The following RALYL variants were observed in gnomAD, a reference collection of about 807,000 sequenced individuals.
RALYL encodes RALY RNA binding protein like, also known as RNA-binding Raly-like protein.
In RALYL, 29 loss-of-function variants were observed where a neutral mutation model predicts 35.1. The ratio of observed to expected loss-of-function variants is 0.83; its 90% CI spans 0.61 to 1.13. The LOEUF is 1.13. RALYL is among the 50% of genes most tolerant of loss of function. The probability of loss-of-function intolerance (pLI) is 0.00; values close to 1 mark genes in which losing one functional copy is unlikely to be tolerated. For missense variants in RALYL, 359 were observed against 360.4 expected (o/e 1.00, Z 0.03); for synonymous variants, 120 against 127.6 (o/e 0.94, Z 0.40).
chr8:84,236,867 G>A (rs1013110949), intron 1 of RALYL, among the ~76,000 whole-genome samples: 5 of 152,318 alleles, frequency 3.3e-5, no homozygotes, highest in Non-Finnish European at 1.5e-5. Flanking sequence ...GGGAGATGAT[G>A]TGTACTTCAA....
At chr8:84,795,215 C>T (rs934015285) in intron 3 of RALYL, among the ~76,000 whole-genome samples, 1 of 152,192 alleles carries the variant, frequency 6.6e-6, no homozygotes, top group Non-Finnish European at 1.5e-5. Context: ...TCTCCTCAAC[C>T]TTGTAGGTAA....
At chr8:84,371,282 T>A (rs748135927) in intron 1 of RALYL, among the ~76,000 whole-genome samples, 12 of 152,040 alleles carry the variant, frequency 7.9e-5, no homozygotes, top group Non-Finnish European at 1.6e-4. Flanking sequence ...ATGAAACAGA[T>A]ATACAGCAAT....
At position 84,862,389 on chromosome 8, in the gene RALYL, G is replaced by A. The variant is rs768117786; in HGVS notation, c.507G>A (p.Gly169=). The change falls in exon 6 of 9, where the codon GGG becomes GGA. Residue 169 remains glycine, a synonymous_variant. Coordinates refer to ENST00000521268, the MANE Select transcript of RALYL (RefSeq NM_173848.7). Reference sequence around the variant, plus strand: ...TGGCAGTCACAACGACTCGCAGGGGGAAAGGAGTCTTTTCCATGAAAGGTG... The same window carrying A: ...TGGCAGTCACAACGACTCGCAGGGGAAAAGGAGTCTTTTCCATGAAAGGTG... ...PRVAVTTTRR[G]KGVFSMKGGS... The A allele has an allele frequency of 6.2e-7, 1 of 1,607,584 alleles. No homozygotes were observed. Among genetic ancestry groups the A allele is most frequent in the African/African-American group, 1.3e-5 (1 of 74,600 alleles).
At chr8:84,360,267 A>G (rs1217142112) in intron 1 of RALYL, among the ~76,000 whole-genome samples, 1 of 152,210 alleles carries the variant, frequency 6.6e-6, no homozygotes, top group Admixed American at 6.5e-5. Flanking sequence ...TAGAATTTTG[A>G]AACCCCAGAC....
chr8:84,680,983 G>T (rs1250744356), intron 2 of RALYL, among the ~76,000 whole-genome samples: 1 of 151,852 alleles, frequency 6.6e-6, no homozygotes, highest in Non-Finnish European at 1.5e-5. Flanking sequence ...TATGGTTTTA[G>T]GTCTAACATT....
chr8:84,251,133 C>T (rs1830118617), intron 1 of RALYL, among the ~76,000 whole-genome samples: 1 of 152,062 alleles, frequency 6.6e-6, no homozygotes, highest in African/African-American at 2.4e-5. Flanking sequence ...ACTTCCTACA[C>T]TCTTGTATAA....
chr8:84,636,796 C>G (rs752195556), intron 2 of RALYL, among the ~76,000 whole-genome samples: 16 of 151,776 alleles, frequency 1.1e-4, no homozygotes, highest in Non-Finnish European at 2.2e-4. Flanking sequence ...ACATATTTTT[C>G]AAATGTGAGG....
In RALYL at chr8:84,822,094, G is replaced by A. The variant is rs79599607; in HGVS notation, c.365+17292G>A. Among the ~76,000 whole-genome samples the A allele has an allele frequency of 7.5e-3, 1,145 of 152,232 alleles. 14 individuals are homozygous for A. Among genetic ancestry groups the A allele is most frequent in the African/African-American group, 0.026 (1,093 of 41,558 alleles). On this transcript the variant is annotated intron_variant, in intron 4 of 8. Coordinates refer to ENST00000521268, the MANE Select transcript of RALYL (RefSeq NM_173848.7). The stretch of plus-strand genomic sequence containing the variant: ...AAAGCATATAAAAGATGAAACACTT[G>A]TTGAGACATTTCTTCCAGATACTGG...
Position 84,891,309 on chromosome 8 carries a change from A to C in RALYL, c.858+3533A>C, listed in dbSNP as rs143921329. Among the ~76,000 whole-genome samples, 286 of 152,342 alleles carry C rather than the reference A, an allele frequency of 1.9e-3. 3 individuals are homozygous for C. Among genetic ancestry groups the C allele is most frequent in the African/African-American group, 6.7e-3 (280 of 41,596 alleles). On this transcript the variant is annotated intron_variant, in intron 8 of 8. Coordinates refer to ENST00000521268, the MANE Select transcript of RALYL (RefSeq NM_173848.7). ...TCCCAGATCTGTCATTATCAGTCCAATTGAACTACCTAACCAAATAACTTC... is the reference window on the plus strand; with the variant it reads ...TCCCAGATCTGTCATTATCAGTCCACTTGAACTACCTAACCAAATAACTTC...
chr8:84,793,727 G>A (rs1230351528), intron 3 of RALYL, among the ~76,000 whole-genome samples: 1 of 152,100 alleles, frequency 6.6e-6, no homozygotes, highest in African/African-American at 2.4e-5. Context: ...TTGTCAACCT[G>A]TGGCAGTTTA....
intron 1 of RALYL, among the ~76,000 whole-genome samples, chr8:84,284,361 G>A (rs949510899): frequency 1.3e-5 from 2 of 152,034 alleles, no homozygotes; most frequent in Non-Finnish European, 2.9e-5. Flanking sequence ...AGCTTCAAAA[G>A]TCATCTGTAG....
At chr8:84,670,611 C>G (rs116811285) in intron 2 of RALYL, among the ~76,000 whole-genome samples, 2,175 of 152,258 alleles carry the variant, frequency 0.014, 62 homozygotes, top group African/African-American at 0.049. Context: ...AGGAGCAAAG[C>G]TATGTTTTAC....
intron 1 of RALYL, among the ~76,000 whole-genome samples, chr8:84,487,329 G>T (rs992254371): frequency 2.0e-4 from 30 of 151,898 alleles, no homozygotes; most frequent in Admixed American, 1.3e-4. Flanking sequence ...TTCCACCTTT[G>T]GTAGGCCACT....
intron 1 of RALYL, among the ~76,000 whole-genome samples, chr8:84,338,971 G>A (rs976126743): frequency 4.0e-5 from 6 of 151,832 alleles, no homozygotes; most frequent in Admixed American, 2.6e-4. Flanking sequence ...TTTTATAAAG[G>A]CATAAATAAG....
At chr8:84,801,997 G>T (rs13258568) in intron 3 of RALYL, among the ~76,000 whole-genome samples, 103,163 of 151,436 alleles carry the variant, frequency 0.68, 36,394 homozygotes, top group East Asian at 0.87. Context: ...ATTTTAGGAG[G>T]TTGTTTCCAA....
chr8:84,307,714 G>A (rs574492714), intron 1 of RALYL, among the ~76,000 whole-genome samples: 18 of 152,214 alleles, frequency 1.2e-4, no homozygotes, highest in African/African-American at 2.6e-4. Flanking sequence ...AGCAAGGACC[G>A]CCCCAGTTAC....
intron 2 of RALYL, among the ~76,000 whole-genome samples, chr8:84,610,526 G>A (rs925382196): frequency 1.3e-5 from 2 of 152,020 alleles, no homozygotes; most frequent in Admixed American, 1.3e-4. Flanking sequence ...AGTAGTGTTT[G>A]TCAGATTTTT....
chr8:84,325,432 C>T (rs905749224), intron 1 of RALYL, among the ~76,000 whole-genome samples: 1 of 152,186 alleles, frequency 6.6e-6, no homozygotes, highest in South Asian at 2.1e-4. Context: ...ATGTACTCAA[C>T]GCCTCTGGAT....
chr8:84,473,093 G>T (rs764954142), intron 1 of RALYL, among the ~76,000 whole-genome samples: 5 of 152,034 alleles, frequency 3.3e-5, no homozygotes, highest in African/African-American at 7.2e-5. Flanking sequence ...AATGGGCAGG[G>T]CTACCCAGGT....
Sources: allele counts gnomAD v4.1 joint callset (sites outside exome capture counted in the v4.1 genomes callset), GRCh38; gene constraint gnomAD v4.1.1; transcripts MANE v1.5; gene names NCBI Gene and HGNC (gene_info 2026-07-23, HGNC 2026-07-21).